The following RUSF1 variants were observed in gnomAD, a reference collection of about 807,000 sequenced individuals.
RUSF1 encodes RUS1 family protein C16orf58.
A neutral mutation model predicts 63.0 loss-of-function variants in RUSF1; 58 were observed. The observed-to-expected ratio is 0.92, with a 90% confidence interval of 0.75 to 1.15. The LOEUF (loss-of-function observed/expected upper bound fraction) is 1.15. RUSF1 is among the 50% of genes most tolerant of loss of function. The pLI is 0.00. For missense variants in RUSF1, 652 were observed against 611.0 expected, an observed-to-expected ratio of 1.07 and a Z score of -0.71; for synonymous variants, 274 against 255.8, an observed-to-expected ratio of 1.07 and a Z score of -0.68.
intron 2 of RUSF1, 74 bp from the exon 3 acceptor site, chr16:31,500,805 T>C: frequency 1.3e-6 from 2 of 1,482,084 alleles, no homozygotes; most frequent in South Asian, 1.3e-5. Flanking sequence ...ACCCTGGCAC[T>C]GAACTGGCCA....
intron 3 of RUSF1, 90 bp from the exon 4 acceptor site, chr16:31,499,615 T>C: frequency 7.7e-7 from 1 of 1,296,498 alleles, no homozygotes; most frequent in Non-Finnish European, 1.1e-6. Flanking sequence ...CAGTAAAGTC[T>C]GAAGAGCTCA....
intron 11 of RUSF1, 54 bp from the exon 12 acceptor site, chr16:31,492,140 T>C: frequency 2.5e-6 from 4 of 1,612,892 alleles, no homozygotes; most frequent in Non-Finnish European, 3.4e-6. Context: ...AGGACAGAGT[T>C]TGTCCTCTCT....
chr16:31,493,347 C>A, intron 9 of RUSF1, 120 bp downstream of exon 9: 2 of 1,313,426 alleles, frequency 1.5e-6, no homozygotes, highest in South Asian at 1.3e-5. Context: ...CATGTCTGTT[C>A]AGCAGCAATG....
intron 5 of RUSF1, among the ~76,000 whole-genome samples, chr16:31,497,952 C>T (rs539646336): frequency 3.3e-5 from 5 of 152,202 alleles, no homozygotes; most frequent in African/African-American, 1.2e-4. Context: ...AGGAGCGGCA[C>T]GGAGGCTACC....
chr16:31,504,514 C>T (rs1169054261), intron 2 of RUSF1, among the ~76,000 whole-genome samples: 1 of 152,008 alleles, frequency 6.6e-6, no homozygotes, highest in Admixed American at 6.6e-5. Context: ...ACTGATCTGC[C>T]GACCTTGGCC....
At chr16:31,496,729 G>T in intron 6 of RUSF1, 120 bp downstream of exon 6, 2 of 868,154 alleles carry the variant, frequency 2.3e-6, no homozygotes, top group Non-Finnish European at 3.4e-6. Flanking sequence ...TGGGTGTCTT[G>T]AGTCAGCAGG....
chr16:31,505,490 G>A (rs1183063101), intron 2 of RUSF1, among the ~76,000 whole-genome samples: 7 of 152,006 alleles, frequency 4.6e-5, no homozygotes, highest in Admixed American at 2.6e-4. Flanking sequence ...TCAGTCTCTC[G>A]TCCCACCTGA....
intron 3 of RUSF1, 28 bp from the exon 4 acceptor site, chr16:31,499,553 T>G (rs749831617): frequency 6.3e-7 from 1 of 1,586,830 alleles, no homozygotes; most frequent in Non-Finnish European, 8.6e-7. Flanking sequence ...TTGTTGTAAT[T>G]TGGACTTAAG....
intron 6 of RUSF1, among the ~76,000 whole-genome samples, chr16:31,496,305 C>G (rs1000281775): frequency 2.0e-5 from 3 of 152,164 alleles, no homozygotes; most frequent in Non-Finnish European, 2.9e-5. Flanking sequence ...AAGTGATCCT[C>G]CCACCTCAGC....
intron 5 of RUSF1, among the ~76,000 whole-genome samples, chr16:31,498,605 T>C (rs868752232): frequency 1.3e-5 from 2 of 152,162 alleles, no homozygotes; most frequent in Non-Finnish European, 2.9e-5. Context: ...GTGTCCTCAT[T>C]TGGGTGAGAT....
Position 31,490,941 on chromosome 16 carries a change from A to G in RUSF1, c.1310-9T>C, listed in dbSNP as rs1284851881. ...GCCGGCATCCTGCAGTCCTGGGGAG[A>G]GATCATGGGGTGCTGCCGGGAATGC... On this transcript the variant is annotated splice_polypyrimidine_tract_variant and intron_variant, in intron 12 of 12. Transcript: ENST00000327237. 2 of 1,613,374 alleles carry G rather than the reference A, an allele frequency of 1.2e-6. No homozygotes were observed. The highest frequency in any genetic ancestry group is 1.7e-6 in the Non-Finnish European group (2 of 1,179,776).
chr16:31,491,504 A>T (rs1465761146), intron 12 of RUSF1, among the ~76,000 whole-genome samples: 1 of 151,784 alleles, frequency 6.6e-6, no homozygotes. Context: ...TTTGGTAGAG[A>T]CAGGGTTTCA....
At position 31,508,289 on chromosome 16, in the gene RUSF1, C is replaced by G; in HGVS notation, c.85G>C (p.Asp29His). ...CCGACCTCCCACTGCAGGCTCCCGT[C>G]CGCGGCGGCGCGGCAGCCCCGTGCC... is the stretch of plus-strand genomic sequence containing the variant. The part of the protein sequence containing the change: ...GEARGCRAAA[D>H]GSLQWEVGGW... Residue 29 changes from aspartate to histidine, a missense_variant, in exon 1 of 13, where the codon GAC becomes CAC. Transcript: ENST00000327237. The G allele has an allele frequency of 1.9e-6, 3 of 1,575,714 alleles. No individual in the cohort carries two copies. Among genetic ancestry groups the G allele is most frequent in the Non-Finnish European group, 2.6e-6 (3 of 1,162,182 alleles).
chr16:31,496,969 G>C lies in RUSF1; in HGVS notation c.601-19C>G, dbSNP rs1663123702. ...CGATGCACTGGGTGGGAGGGGAAGA[G>C]AGAAGGTTGGCAGAGACACGTGTCC... On this transcript the variant is annotated intron_variant, in intron 5 of 12. Coordinates refer to ENST00000327237, the MANE Select transcript of RUSF1 (RefSeq NM_022744.4). 5.7e-6 allele frequency: 9 copies of C among 1,577,510 alleles called. No individual in the cohort carries two copies. The highest frequency in any genetic ancestry group is 7.7e-6 in the Non-Finnish European group (9 of 1,161,872).
chr16:31,494,110 C>T (rs574790964), intron 6 of RUSF1, among the ~76,000 whole-genome samples, 174 bp from the exon 7 acceptor site: 3 of 152,206 alleles, frequency 2.0e-5, no homozygotes, highest in East Asian at 1.9e-4. Flanking sequence ...GATGCCAGCT[C>T]GAGGTGGCTC....
Position 31,507,840 on chromosome 16 carries a change from C to T in RUSF1, c.339G>A (p.Gln113=), listed in dbSNP as rs1361241714. The T allele has an allele frequency of 1.3e-6, 2 of 1,575,002 alleles. No individual in the cohort carries two copies. The highest frequency in any genetic ancestry group is 2.7e-5 in the African/African-American group (2 of 73,968). ...ASSLSGSLAT[Q]AVLLGIGVGN... ...CCACCCCTATGCCCAGCAAGACTGC[C>T]TGGGTGGCTAGGGAGCCGGAGAGGC... Residue 113 remains glutamine (Q), a synonymous_variant, in exon 2 of 13, where the codon CAG becomes CAA. Transcript: ENST00000327237.
intron 3 of RUSF1, among the ~76,000 whole-genome samples, chr16:31,499,863 G>T (rs2082623968): frequency 6.6e-6 from 1 of 152,044 alleles, no homozygotes; most frequent in African/African-American, 2.4e-5. Flanking sequence ...TCTTCTTCTT[G>T]CTTTAGAGTG....
rs576141726 is a variant in RUSF1 at position 31,490,475 on chromosome 16, C to A, written c.*360G>T. The A allele has an allele frequency of 1.7e-5, 27 of 1,613,996 alleles. No individual in the cohort carries two copies. In the South Asian group the frequency reaches 2.7e-4, roughly 16 times the overall value. ...AGGACCCGAGCTGGGCCCGTGTGGTCAACCTCAATGCCCTGCTCATGATGG... is the reference window on the plus strand; with the variant it reads ...AGGACCCGAGCTGGGCCCGTGTGGTAAACCTCAATGCCCTGCTCATGATGG... On this transcript the variant is annotated 3_prime_UTR_variant, in exon 13 of 13. Transcript: ENST00000327237.
At chr16:31,501,256 C>A (rs1210813438) in intron 2 of RUSF1, among the ~76,000 whole-genome samples, 1 of 152,136 alleles carries the variant, frequency 6.6e-6, no homozygotes, top group Non-Finnish European at 1.5e-5. Context: ...TTAGGCTGGG[C>A]AGTTGGCTCA....
Sources: gnomAD v4.1 joint callset for allele counts (sites outside exome capture counted in the v4.1 genomes callset) on GRCh38, gnomAD v4.1.1 for gene constraint, MANE v1.5 for transcripts, NCBI Gene and HGNC (gene_info 2026-07-23, HGNC 2026-07-21) for gene names.